The following RAB43 variants were observed in gnomAD, a reference collection of about 807,000 sequenced individuals.
The protein encoded by RAB43 is ras-related protein Rab-43.
In RAB43, 6 loss-of-function variants were observed where a neutral mutation model predicts 18.8. The ratio of observed to expected loss-of-function variants is 0.32; its 90% CI spans 0.17 to 0.63. The LOEUF is 0.63. Among genes scored for constraint, RAB43 ranks in the 30% least tolerant of loss-of-function variants. The probability of loss-of-function intolerance (pLI) is 0.79; values close to 1 mark genes in which losing one functional copy is unlikely to be tolerated. For synonymous variants in RAB43, 103 were observed against 124.1 expected, an observed-to-expected ratio of 0.83 and a Z score of 1.13; for missense variants, 195 against 289.1, an observed-to-expected ratio of 0.67 and a Z score of 2.36.
intron 1 of RAB43, among the ~76,000 whole-genome samples, chr3:129,116,343 A>G (rs938699900): frequency 1.3e-5 from 2 of 152,216 alleles, no homozygotes; most frequent in Non-Finnish European, 2.9e-5. Context: ...TTATTTTGCA[A>G]TTAGGATGGC....
chr3:129,095,012 C>A lies in RAB43; in HGVS notation c.362G>T (p.Gly121Val). The stretch of plus-strand genomic sequence containing the variant: ...GATCAGCAGCTGCACAATGTTGGAG[C>A]CCGCATACTTCCTCACATCCTCAAT... ...HWIEDVRKYA[G>V]SNIVQLLIGN... The change falls in exon 2 of 3, where the codon GGC becomes GTC. Residue 121 changes from glycine (G) to valine (V), a missense_variant. Transcript: ENST00000315150. The surrounding 1 kb of genome is among the most constrained non-coding windows in gnomAD (Gnocchi z 4.2). 2 of 1,611,382 alleles carry A rather than the reference C, an allele frequency of 1.2e-6. No individual in the cohort carries two copies. Among genetic ancestry groups the A allele is most frequent in the Non-Finnish European group, 1.7e-6 (2 of 1,178,440 alleles).
At chr3:129,097,336 G>A (rs914792913) in intron 1 of RAB43, among the ~76,000 whole-genome samples, 3 of 152,122 alleles carry the variant, frequency 2.0e-5, no homozygotes, top group Non-Finnish European at 4.4e-5. Flanking sequence ...CAGGCAAGAA[G>A]AAAGAACACA....
At chr3:129,092,118 G>A (rs898828287) in intron 2 of RAB43, among the ~76,000 whole-genome samples, 2 of 149,394 alleles carry the variant, frequency 1.3e-5, no homozygotes, top group East Asian at 2.0e-4. Flanking sequence ...AACCTTAATT[G>A]ATGTAGCAAC....
rs1198003029 is a variant in RAB43 at position 129,095,668 on chromosome 3, G to A, written c.205-499C>T. Among the ~76,000 whole-genome samples, 2 of 152,186 alleles carry A rather than the reference G, an allele frequency of 1.3e-5. No individual in the cohort carries two copies. Among genetic ancestry groups the A allele is most frequent in the Non-Finnish European group, 2.9e-5 (2 of 68,020 alleles). ...CTACAGCTTGGTGATGAGGACTGTG[G>A]GAAGGGTGACTGGTGGTGGCAATGG... is the stretch of plus-strand genomic sequence containing the variant. On this transcript the variant is annotated intron_variant, in intron 1 of 2. Transcript: ENST00000315150. The surrounding 1 kb of genome is among the most constrained non-coding windows in gnomAD (Gnocchi z 4.2).
intron 1 of RAB43, among the ~76,000 whole-genome samples, chr3:129,118,217 G>A (rs929806496): frequency 2.0e-5 from 3 of 152,224 alleles, no homozygotes; most frequent in Non-Finnish European, 2.9e-5. Context: ...GCAGTGAAGG[G>A]TAGAGATGGG....
intron 1 of RAB43, among the ~76,000 whole-genome samples, chr3:129,106,531 G>T (rs1277583476): frequency 6.6e-6 from 1 of 152,192 alleles, no homozygotes; most frequent in Non-Finnish European, 1.5e-5. Flanking sequence ...AAGCACCATG[G>T]TAAGACAGCA....
chr3:129,117,377 C>G (rs1041272897), intron 1 of RAB43, among the ~76,000 whole-genome samples: 1 of 152,170 alleles, frequency 6.6e-6, no homozygotes, highest in Non-Finnish European at 1.5e-5. Context: ...AAGCAAGACT[C>G]AGAACTTCAG....
rs758480697 is a variant in RAB43, at chr3:129,109,064, C to CAA, written c.204+12220_204+12221dup. ...AGAAAAAACTACAAGGTGACTCCTA[C>CAA]AAAAAAAAAAAAAAATCATGGCTTG... On this transcript the variant is annotated intron_variant, in intron 1 of 2. Transcript: ENST00000315150. Among the ~76,000 whole-genome samples, 1,246 of 116,982 alleles carry CAA rather than the reference C, an allele frequency of 0.011. 51 individuals are homozygous for CAA. The East Asian group carries it at 0.12, about 12-fold the overall frequency. 76.7% of individuals were successfully genotyped at this position (116,982 alleles called of 152,430 possible). A position where few individuals can be genotyped will look rare whatever the true frequency, so the allele number is the denominator to read the frequency against.
chr3:129,118,675 GGCCCT>G (rs1332278890), intron 1 of RAB43, among the ~76,000 whole-genome samples: 1 of 152,202 alleles, frequency 6.6e-6, no homozygotes, highest in Non-Finnish European at 1.5e-5. Flanking sequence ...TCCCAAGACA[GGCCCT>G]GAGAAGGTTT....
chr3:129,091,376 C>T, intron 2 of RAB43, 30 bp from the exon 3 acceptor site: 1 of 1,594,772 alleles, frequency 6.3e-7, no homozygotes, highest in Non-Finnish European at 8.5e-7. Flanking sequence ...CAGCATGAGG[C>T]CATGGGGGCT....
chr3:129,120,710 G>C (rs1176866251), intron 1 of RAB43, among the ~76,000 whole-genome samples: 1 of 152,192 alleles, frequency 6.6e-6, no homozygotes, highest in African/African-American at 2.4e-5. Context: ...GGCCCTAGTC[G>C]AGTAAAGTTC....
intron 1 of RAB43, among the ~76,000 whole-genome samples, chr3:129,119,508 G>A (rs147066541): frequency 1.8e-4 from 27 of 152,104 alleles, no homozygotes; most frequent in African/African-American, 5.8e-4. Context: ...CTGTGTGAGC[G>A]GGGGTAAGAA....
At chr3:129,105,832 T>A (rs1934749126) in intron 1 of RAB43, among the ~76,000 whole-genome samples, 1 of 151,764 alleles carries the variant, frequency 6.6e-6, no homozygotes, top group East Asian at 1.9e-4. Flanking sequence ...GCGGGCTTTG[T>A]AGTGGAAATT....
At chr3:129,093,300 C>T (rs1933804798) in intron 2 of RAB43, among the ~76,000 whole-genome samples, 1 of 151,994 alleles carries the variant, frequency 6.6e-6, no homozygotes, top group African/African-American at 2.4e-5. Context: ...GAATGTTTTT[C>T]AGAAATGTCC....
rs1935954996 is a variant in RAB43, at chr3:129,121,774, G to A, written c.-285C>T. On this transcript the variant is annotated 5_prime_UTR_variant, in exon 1 of 3. Coordinates refer to ENST00000315150, the MANE Select transcript of RAB43 (RefSeq NM_198490.3). The stretch of plus-strand genomic sequence containing the variant: ...AAGCCGGGCCCTCCGCAAAGCTCCG[G>A]CCGGTCCTCAGCTCCGTGCCACACC... 1 of 214,634 alleles carries A rather than the reference G, an allele frequency of 4.7e-6. No homozygotes were observed. The highest frequency in any genetic ancestry group is 9.1e-6 in the Non-Finnish European group (1 of 110,342). The allele number at this position is 214,634 out of a possible 1,614,324, so 13.3% of individuals were successfully genotyped here. A position where few individuals can be genotyped will look rare whatever the true frequency, so the allele number is the denominator to read the frequency against.
intron 2 of RAB43, among the ~76,000 whole-genome samples, chr3:129,091,939 C>T (rs1298278065): frequency 3.3e-5 from 5 of 150,832 alleles, no homozygotes; most frequent in African/African-American, 1.2e-4. Context: ...GGCGTGGTGG[C>T]GGGGGCCTGT....
At position 129,092,910 on chromosome 3, in the gene RAB43, C is replaced by T. The variant is rs570905255; in HGVS notation, c.389-1564G>A. Among the ~76,000 whole-genome samples the T allele has an allele frequency of 9.9e-5, 15 of 151,372 alleles. No individual in the cohort carries two copies. In the South Asian group the frequency reaches 2.5e-3, roughly 25 times the overall value. ...GGCAGAGCTTGCCATGAGCCGAGATCGCGCCACTGCACTCCAGTCTGGGCG... is the reference window on the plus strand; with the variant it reads ...GGCAGAGCTTGCCATGAGCCGAGATTGCGCCACTGCACTCCAGTCTGGGCG... On this transcript the variant is annotated intron_variant, in intron 2 of 2. Transcript: ENST00000315150.
chr3:129,109,146 C>T (rs1042333861), intron 1 of RAB43, among the ~76,000 whole-genome samples: 2 of 151,926 alleles, frequency 1.3e-5, no homozygotes, highest in African/African-American at 2.4e-5. Flanking sequence ...TGCGGTGGCT[C>T]ACACCTGTAA....
chr3:129,120,446 C>T (rs1164781400), intron 1 of RAB43, among the ~76,000 whole-genome samples: 1 of 152,294 alleles, frequency 6.6e-6, no homozygotes, highest in East Asian at 1.9e-4. Flanking sequence ...CTGTACAGTG[C>T]GGTTCAGAAA....
Sources: allele counts gnomAD v4.1 joint callset (sites outside exome capture counted in the v4.1 genomes callset), GRCh38; gene constraint gnomAD v4.1.1; non-coding constraint Gnocchi (gnomAD v3.1); transcripts MANE v1.5; gene names NCBI Gene and HGNC (gene_info 2026-07-23, HGNC 2026-07-21).